NAA11: variants seen among roughly 807,000 people sequenced by gnomAD.
NAA11 encodes the protein N-alpha-acetyltransferase 11.
NAA11 carries 15 observed loss-of-function variants against 16.1 expected under a neutral mutation model. The ratio of observed to expected loss-of-function variants is 0.93; its 90% confidence interval spans 0.62 to 1.44. NAA11 has a LOEUF of 1.44. NAA11 is among the 40% of genes most tolerant of loss of function. The probability of loss-of-function intolerance (pLI) is 0.00; values close to 1 mark genes in which losing one functional copy is unlikely to be tolerated. For synonymous variants in NAA11, 122 were observed against 112.4 expected, an observed-to-expected ratio of 1.09 and a Z score of -0.54; for missense variants, 298 against 291.3, an observed-to-expected ratio of 1.02 and a Z score of -0.17.
Position 79,325,228 on chromosome 4 carries a change from T to G in NAA11, c.650A>C (p.Asn217Thr). The change falls in exon 1 of 2, where the codon AAC becomes ACC. Residue 217 changes from asparagine to threonine, a missense_variant. By Grantham distance (65) the Asn-to-Thr change is moderately conservative. Coordinates refer to ENST00000286794, the MANE Select transcript of NAA11 (RefSeq NM_032693.3). ...CGAGCTTTCTGAGCTGTCCTGGACG[T>G]TGGTGCTCTCCACAGACTCCTTAGG... ...KEPKESVESTNVQDSSESSDS... is the reference protein window; with the variant it reads ...KEPKESVESTTVQDSSESSDS... 1 of 1,613,364 alleles carries G rather than the reference T, an allele frequency of 6.2e-7. No individual in the cohort carries two copies. Among genetic ancestry groups the G allele is most frequent in the Non-Finnish European group, 8.5e-7 (1 of 1,179,636 alleles).
At position 79,325,547 on chromosome 4, in the gene NAA11, C is replaced by G. The variant is rs768903280; in HGVS notation, c.331G>C (p.Val111Leu). 4.3e-6 allele frequency: 7 copies of G among 1,614,146 alleles called. No homozygotes were observed. Among genetic ancestry groups the G allele is most frequent in the Admixed American group, 3.3e-5 (2 of 60,038 alleles). The change falls in exon 1 of 2, where the codon GTC (valine) becomes CTC (leucine). Residue 111 changes from valine (V) to leucine (L), a missense_variant. Physicochemically the swap from Val to Leu is conservative, Grantham distance 32. Coordinates refer to ENST00000286794, the MANE Select transcript of NAA11 (RefSeq NM_032693.3). Reference sequence around the variant, plus strand: ...AAGGCTGGCCGGTTACTCTTCCTGACGTGCAGAGACACGTATTTGGCGTTA... The same window carrying G: ...AAGGCTGGCCGGTTACTCTTCCTGAGGTGCAGAGACACGTATTTGGCGTTA... Reference protein sequence around the residue: ...NFNAKYVSLHVRKSNRPALHL... With the variant: ...NFNAKYVSLHLRKSNRPALHL...
the NAA11 span, among the ~76,000 whole-genome samples, chr4:79,187,766 G>A: frequency 6.6e-6 from 1 of 152,158 alleles, no homozygotes; most frequent in African/African-American, 2.4e-5. Context: ...GGAGGCCGAG[G>A]CGGGCTGATC....
chr4:79,251,834 G>A (rs1156798970), intron 2 of NAA11, among the ~76,000 whole-genome samples: 2 of 151,958 alleles, frequency 1.3e-5, no homozygotes, highest in African/African-American at 2.4e-5. Flanking sequence ...AACCTTATTA[G>A]CATATTTATC....
downstream of NAA11, among the ~76,000 whole-genome samples, chr4:79,312,472 G>A (rs1723800772): frequency 6.6e-6 from 1 of 151,900 alleles, no homozygotes. Flanking sequence ...CCAACATGGT[G>A]AAACCCCATC....
chr4:79,305,041 G>C (rs1723532476), intron 1 of NAA11: 1 of 152,132 alleles, frequency 6.6e-6, no homozygotes, highest in Non-Finnish European at 1.5e-5. Flanking sequence ...ACTGGCAGTG[G>C]TACCTCATGT....
downstream of NAA11, among the ~76,000 whole-genome samples, chr4:79,313,034 A>T (rs1454108363): frequency 1.3e-5 from 2 of 152,166 alleles, no homozygotes; most frequent in Admixed American, 1.3e-4. Flanking sequence ...CCTTCTCCAT[A>T]TTTTATCCCT....
At chr4:79,159,712 C>T in the NAA11 span, among the ~76,000 whole-genome samples, 1 of 152,066 alleles carries the variant, frequency 6.6e-6, no homozygotes, top group Non-Finnish European at 1.5e-5. Context: ...CCCCATTATC[C>T]TTCCCTCTGT....
intron 2 of NAA11, among the ~76,000 whole-genome samples, chr4:79,266,449 T>C (rs535182209): frequency 6.6e-6 from 1 of 152,228 alleles, no homozygotes; most frequent in East Asian, 1.9e-4. Flanking sequence ...AAAAGAAACC[T>C]AGATTTCAGT....
chr4:79,155,737 G>A, the NAA11 span, among the ~76,000 whole-genome samples: 2 of 152,166 alleles, frequency 1.3e-5, no homozygotes, highest in South Asian at 2.1e-4. Context: ...TTTAAAACTA[G>A]GAACTTAGTG....
In NAA11 at chr4:79,325,624, C is replaced by A; in HGVS notation, c.254G>T (p.Gly85Val). The A allele has an allele frequency of 6.2e-7, 1 of 1,614,050 alleles. No individual in the cohort carries two copies. Among genetic ancestry groups the A allele is most frequent in the Non-Finnish European group, 8.5e-7 (1 of 1,179,950 alleles). Residue 85 changes from glycine to valine, a missense_variant, in exon 1 of 2, where the codon GGC becomes GTC. Transcript: ENST00000286794. ...CTGGTCCATCAGCTTCTGGGCCAGG[C>A]CGAGGCGCCGGTGTGAACGCTTCAC... Reference protein sequence around the residue: ...LAVKRSHRRLGLAQKLMDQAS... With the variant: ...LAVKRSHRRLVLAQKLMDQAS...
chr4:79,161,940 C>G, the NAA11 span, among the ~76,000 whole-genome samples: 1 of 152,192 alleles, frequency 6.6e-6, no homozygotes, highest in Non-Finnish European at 1.5e-5. Context: ...CTCGGCGTCC[C>G]AAAGTGCTGG....
intron 1 of NAA11, among the ~76,000 whole-genome samples, chr4:79,319,842 A>G (rs949953870): frequency 6.6e-5 from 10 of 152,198 alleles, no homozygotes; most frequent in African/African-American, 2.4e-5. Context: ...GGTTTCTTCC[A>G]TATTTCATTA....
chr4:79,202,647 A>ATATATATATATATATATATATC, the NAA11 span, among the ~76,000 whole-genome samples: 3 of 126,626 alleles, frequency 2.4e-5, no homozygotes, highest in Non-Finnish European at 3.5e-5. Context: ...ATATATATAT[A>ATATATATATATATATATATATC]TATCTGTGTA....
intron 2 of NAA11, among the ~76,000 whole-genome samples, chr4:79,291,026 ATATATT>A (rs1301742845): frequency 6.6e-6 from 1 of 152,184 alleles, no homozygotes; most frequent in East Asian, 1.9e-4. Flanking sequence ...ATTCACATAT[ATATATT>A]ACTGAGTTTG....
intron 1 of NAA11, among the ~76,000 whole-genome samples, chr4:79,304,357 C>T (rs1723500469): frequency 6.6e-6 from 1 of 152,118 alleles, no homozygotes; most frequent in South Asian, 2.1e-4. Context: ...AAAATATATT[C>T]TTCAGAAAAT....
the NAA11 span, among the ~76,000 whole-genome samples, chr4:79,197,007 A>G: frequency 6.7e-6 from 1 of 149,142 alleles, no homozygotes; most frequent in Non-Finnish European, 1.5e-5. Context: ...AAGAAAAAGG[A>G]TTCTGTCCCA....
chr4:79,194,963 A>T, the NAA11 span, among the ~76,000 whole-genome samples: 2 of 152,010 alleles, frequency 1.3e-5, no homozygotes, highest in Non-Finnish European at 2.9e-5. Context: ...AACTCCATGG[A>T]CTCCACTCTG....
chr4:79,215,923 T>C, the NAA11 span, among the ~76,000 whole-genome samples: 1 of 152,272 alleles, frequency 6.6e-6, no homozygotes, highest in South Asian at 2.1e-4. Context: ...GAATGTATTT[T>C]TAGAAGAATT....
chr4:79,290,146 A>G (rs1481616699), intron 2 of NAA11, among the ~76,000 whole-genome samples: 1 of 152,162 alleles, frequency 6.6e-6, no homozygotes, highest in Non-Finnish European at 1.5e-5. Context: ...TCTCTCCAGG[A>G]AGGTTTCCTT....
Sources: gnomAD v4.1 joint callset for allele counts (sites outside exome capture counted in the v4.1 genomes callset) on GRCh38, gnomAD v4.1.1 for gene constraint, MANE v1.5 for transcripts, NCBI Gene and HGNC (gene_info 2026-07-23, HGNC 2026-07-21) for gene names.